Variants in FKBP5 observed in about 807,000 individuals in gnomAD.
The protein encoded by FKBP5 is FKBP prolyl isomerase 5.
In FKBP5, 23 loss-of-function variants were observed where a neutral mutation model predicts 50.5. That is an observed-to-expected ratio of 0.46 (90% CI 0.33 to 0.65). The LOEUF is 0.65. Ranked by LOEUF, FKBP5 falls within the 30% of genes least tolerant of loss-of-function variation. The probability of loss-of-function intolerance (pLI) is 0.02; values close to 1 mark genes in which losing one functional copy is unlikely to be tolerated. For synonymous variants in FKBP5, 176 were observed against 190.6 expected, an observed-to-expected ratio of 0.92 and a Z score of 0.63; for missense variants, 411 against 553.1, an observed-to-expected ratio of 0.74 and a Z score of 2.58.
intron 2 of FKBP5, among the ~76,000 whole-genome samples, chr6:35,712,021 G>T (rs1450836013): frequency 1.4e-5 from 2 of 143,014 alleles, no homozygotes; most frequent in African/African-American, 5.3e-5. Context: ...CTACAGGTGT[G>T]TACAATCGCA....
intron 2 of FKBP5, among the ~76,000 whole-genome samples, chr6:35,696,544 G>A (rs1766085166): frequency 6.6e-6 from 1 of 151,842 alleles, no homozygotes; most frequent in East Asian, 1.9e-4. Flanking sequence ...AAAACATCCT[G>A]TGTTTATGGA....
chr6:35,583,558 G>C, intron 8 of FKBP5: 1 of 985,416 alleles, frequency 1.0e-6, no homozygotes. Flanking sequence ...TACTAAAGCA[G>C]TTCTCAACTG....
intron 2 of FKBP5, among the ~76,000 whole-genome samples, chr6:35,712,292 TA>T (rs898826916): frequency 6.6e-6 from 1 of 152,046 alleles, no homozygotes; most frequent in African/African-American, 2.4e-5. Context: ...TTCTAACTAT[TA>T]AGGCCAACTC....
At chr6:35,693,164 T>TC (rs1491158891), upstream of FKBP5, among the ~76,000 whole-genome samples, 46 of 18,742 alleles carry the variant, frequency 2.5e-3, no homozygotes, top group East Asian at 4.6e-3. Flanking sequence ...TCTCTCTCTC[T>TC]TTTTTTTTTT....
chr6:35,577,377 AT>A lies in FKBP5; in HGVS notation c.1027-145del, dbSNP rs1762253647. On this transcript the variant is annotated intron_variant, in intron 9 of 10. Coordinates refer to ENST00000357266, the MANE Select transcript of FKBP5 (RefSeq NM_004117.4). ...AGATAATTACATACTACTGATCAAA[AT>A]TTACTACCCAAATTATTTTCTGCAT... 7 of 625,650 alleles carry A rather than the reference AT, an allele frequency of 1.1e-5. No homozygotes were observed. The South Asian group carries it at 2.2e-4, about 20-fold the overall frequency. The allele number at this position is 625,650 out of a possible 1,614,324, so 38.8% of individuals were successfully genotyped here.
At chr6:35,668,267 A>T (rs938947765) in intron 1 of FKBP5, among the ~76,000 whole-genome samples, 2 of 152,182 alleles carry the variant, frequency 1.3e-5, no homozygotes, top group Admixed American at 1.3e-4. Flanking sequence ...TTTATGCTGG[A>T]AACAGCATCC....
chr6:35,588,376 GTAATTCTGCTTCC>G (rs1762680586), intron 7 of FKBP5, among the ~76,000 whole-genome samples: 1 of 152,062 alleles, frequency 6.6e-6, no homozygotes. Context: ...GGCAACTCAT[GTAATTCTGCTTCC>G]TAATAATGTA....
At chr6:35,580,376 C>T (rs1446078658) in intron 8 of FKBP5, among the ~76,000 whole-genome samples, 155 bp from the exon 9 acceptor site, 1 of 152,116 alleles carries the variant, frequency 6.6e-6, no homozygotes, top group African/African-American at 2.4e-5. Context: ...CTTTCCCACT[C>T]CCTTGGAGGC....
intron 1 of FKBP5, among the ~76,000 whole-genome samples, chr6:35,662,297 C>A: frequency 6.9e-6 from 1 of 145,070 alleles, no homozygotes. Context: ...TTTTTTGAGA[C>A]AGAGTTTTGC....
At chr6:35,709,877 T>TAAA (rs35553126) in intron 2 of FKBP5, among the ~76,000 whole-genome samples, 113 of 149,132 alleles carry the variant, frequency 7.6e-4, no homozygotes, top group Middle Eastern at 3.5e-3. Flanking sequence ...TGCTTTTAGG[T>TAAA]AAAAAAAAAA....
intron 1 of FKBP5, among the ~76,000 whole-genome samples, chr6:35,723,344 A>G (rs1450578506): frequency 6.6e-6 from 1 of 152,250 alleles, no homozygotes; most frequent in African/African-American, 2.4e-5. Flanking sequence ...TTCCTGGGAC[A>G]CACAGTAGGT....
intron 1 of FKBP5, among the ~76,000 whole-genome samples, chr6:35,674,648 T>G (rs186729199): frequency 1.1e-3 from 166 of 152,340 alleles, no homozygotes; most frequent in African/African-American, 3.7e-3. Context: ...CCATTCTAAG[T>G]GTTTTACATG....
At chr6:35,676,693 A>G (rs1341990074) in intron 1 of FKBP5, among the ~76,000 whole-genome samples, 1 of 152,232 alleles carries the variant, frequency 6.6e-6, no homozygotes, top group Non-Finnish European at 1.5e-5. Context: ...TCAATTATCT[A>G]GGGCAATATA....
chr6:35,641,922 G>A (rs1038808372), intron 2 of FKBP5, among the ~76,000 whole-genome samples: 6 of 151,906 alleles, frequency 3.9e-5, no homozygotes, highest in South Asian at 4.2e-4. Context: ...GAATCCAGGA[G>A]GCGGAGGTTG....
intron 2 of FKBP5, among the ~76,000 whole-genome samples, chr6:35,706,907 T>C (rs770042813): frequency 5.3e-5 from 8 of 152,206 alleles, no homozygotes; most frequent in Non-Finnish European, 1.0e-4. Flanking sequence ...TCTATGTGCT[T>C]ACATAGAAAA....
rs376750095 is a variant in FKBP5, at chr6:35,636,079, G to A, written c.250+935C>T. 1.3e-5 allele frequency among the ~76,000 whole-genome samples: 2 copies of A among 152,266 alleles called. 1 individual carries two copies. Among genetic ancestry groups the A allele is most frequent in the East Asian group, 3.9e-4 (2 of 5,188 alleles). On this transcript the variant is annotated intron_variant, in intron 3 of 10. Coordinates refer to ENST00000357266, the MANE Select transcript of FKBP5 (RefSeq NM_004117.4). ...GAATTGTTTATTCACACATGATCTTGTAACATCTTGCATTGGTCACTGAGA... is the reference window on the plus strand; with the variant it reads ...GAATTGTTTATTCACACATGATCTTATAACATCTTGCATTGGTCACTGAGA...
At chr6:35,696,144 CAAAAA>C (rs60390656) in intron 2 of FKBP5, among the ~76,000 whole-genome samples, 1 of 64,462 alleles carries the variant, frequency 1.6e-5, no homozygotes, top group Admixed American at 1.7e-4. Context: ...GACTCTGTCT[CAAAAA>C]AAAAAAAAAA....
At chr6:35,647,210 A>C (rs1764653948) in intron 1 of FKBP5, among the ~76,000 whole-genome samples, 1 of 152,220 alleles carries the variant, frequency 6.6e-6, no homozygotes, top group African/African-American at 2.4e-5. Context: ...GCAGAAAGCA[A>C]AGGATTATAT....
intron 1 of FKBP5, among the ~76,000 whole-genome samples, chr6:35,725,819 T>C (rs1276836458): frequency 2.0e-5 from 3 of 152,210 alleles, no homozygotes; most frequent in Non-Finnish European, 4.4e-5. Flanking sequence ...ACCAGCCTTT[T>C]TGAGAGCTGT....
Sources: allele counts gnomAD v4.1 joint callset (sites outside exome capture counted in the v4.1 genomes callset), GRCh38; gene constraint gnomAD v4.1.1; transcripts MANE v1.5; gene names NCBI Gene and HGNC (gene_info 2026-07-23, HGNC 2026-07-21).